The following HPSE2 variants were observed in gnomAD, a reference collection of about 807,000 sequenced individuals.
HPSE2 encodes heparanase 2 (inactive).
HPSE2 carries 38 observed loss-of-function variants against 60.5 expected under a neutral mutation model. The ratio of observed to expected loss-of-function variants is 0.63; its 90% confidence interval spans 0.48 to 0.82. HPSE2 has a LOEUF of 0.82. HPSE2 is among the 40% of genes least tolerant of loss of function. The pLI, the probability that HPSE2 is intolerant of heterozygous loss-of-function variation, is 0.00. For synonymous variants in HPSE2, 295 were observed against 293.2 expected (o/e 1.01, Z -0.06); for missense variants, 713 against 740.4 (o/e 0.96, Z 0.43).
chr10:98,819,187 A>G (rs567254543), intron 3 of HPSE2, among the ~76,000 whole-genome samples: 1 of 148,058 alleles, frequency 6.8e-6, no homozygotes, highest in South Asian at 2.2e-4. Context: ...CCTACAGGCG[A>G]TCTTTCAATC....
intron 3 of HPSE2, among the ~76,000 whole-genome samples, chr10:99,099,421 G>A (rs1843854979): frequency 6.6e-6 from 1 of 152,216 alleles, no homozygotes; most frequent in South Asian, 2.1e-4. Flanking sequence ...AGATCAAACT[G>A]CAAGGCAGCA....
At chr10:98,713,263 G>A (rs1437219356) in intron 5 of HPSE2, among the ~76,000 whole-genome samples, 10 of 152,010 alleles carry the variant, frequency 6.6e-5, no homozygotes, top group African/African-American at 1.4e-4. Flanking sequence ...TTTATTCTAA[G>A]AGAAATGAAA....
upstream of HPSE2, among the ~76,000 whole-genome samples, chr10:99,237,428 C>T (rs1849887508): frequency 6.6e-6 from 1 of 152,118 alleles, no homozygotes; most frequent in African/African-American, 2.4e-5. Context: ...CCAGGATTAA[C>T]AAATCTGAAA....
At chr10:99,031,844 A>G (rs538717250) in intron 3 of HPSE2, among the ~76,000 whole-genome samples, 1 of 152,356 alleles carries the variant, frequency 6.6e-6, no homozygotes, top group African/African-American at 2.4e-5. Context: ...GTGAAATATT[A>G]GCAATCAAAA....
At chr10:98,493,607 G>T (rs1448263660) in intron 9 of HPSE2, among the ~76,000 whole-genome samples, 1 of 151,984 alleles carries the variant, frequency 6.6e-6, no homozygotes, top group African/African-American at 2.4e-5. Context: ...TAATAAAGCT[G>T]CCCCTACTCT....
intron 9 of HPSE2, among the ~76,000 whole-genome samples, chr10:98,533,248 G>A (rs577455668): frequency 1.3e-5 from 2 of 152,320 alleles, no homozygotes; most frequent in South Asian, 4.1e-4. Flanking sequence ...TGTAATGTCA[G>A]GAAGCATCAC....
intron 3 of HPSE2, among the ~76,000 whole-genome samples, chr10:98,776,276 T>TAAAA (rs1950337822): frequency 5.2e-5 from 2 of 38,144 alleles, no homozygotes; most frequent in East Asian, 9.0e-4. Flanking sequence ...CTACTAAAAA[T>TAAAA]ACAAAAAAAA....
chr10:98,776,170 C>T (rs1267553688), intron 3 of HPSE2, among the ~76,000 whole-genome samples: 4 of 151,898 alleles, frequency 2.6e-5, no homozygotes, highest in Non-Finnish European at 5.9e-5. Context: ...CAGTGGCCCA[C>T]GCCTGTAATC....
intron 2 of HPSE2, among the ~76,000 whole-genome samples, chr10:99,225,373 C>T (rs1261240869): frequency 6.6e-6 from 1 of 151,998 alleles, no homozygotes; most frequent in Non-Finnish European, 1.5e-5. Context: ...CCCCATTAAT[C>T]TTCCCAGCTT....
chr10:99,128,763 C>A (rs188783087), intron 3 of HPSE2, among the ~76,000 whole-genome samples: 1 of 152,000 alleles, frequency 6.6e-6, no homozygotes, highest in South Asian at 2.1e-4. Context: ...GGTTGATAGG[C>A]GCAGCAAACC....
intron 3 of HPSE2, among the ~76,000 whole-genome samples, chr10:99,060,658 CAAAAAAAAA>C (rs35034456): frequency 8.4e-5 from 4 of 47,806 alleles, no homozygotes; most frequent in African/African-American, 3.8e-4. Flanking sequence ...AACTCTGTCT[CAAAAAAAAA>C]AAAAAAAAAA....
At chr10:99,131,080 A>C (rs1378803409) in intron 3 of HPSE2, among the ~76,000 whole-genome samples, 1 of 152,222 alleles carries the variant, frequency 6.6e-6, no homozygotes, top group East Asian at 1.9e-4. Context: ...AGAATTAAAA[A>C]CAAAAATCAT....
At chr10:99,073,340 C>G (rs1213985524) in intron 3 of HPSE2, among the ~76,000 whole-genome samples, 2 of 152,114 alleles carry the variant, frequency 1.3e-5, no homozygotes, top group East Asian at 3.9e-4. Flanking sequence ...ATGGATGGAG[C>G]TGGAAGCCAT....
chr10:98,989,296 C>T (rs958497038), intron 3 of HPSE2, among the ~76,000 whole-genome samples: 12 of 152,266 alleles, frequency 7.9e-5, no homozygotes, highest in East Asian at 1.9e-4. Context: ...CACATATACA[C>T]CATCGAATAC....
intron 9 of HPSE2, among the ~76,000 whole-genome samples, chr10:98,586,199 T>C (rs573341665): frequency 4.1e-4 from 63 of 152,324 alleles, no homozygotes; most frequent in Non-Finnish European, 8.2e-4. Flanking sequence ...CCTCAGTATC[T>C]ACCATGCATA....
chr10:98,744,813 T>A (rs1368579326), intron 3 of HPSE2, among the ~76,000 whole-genome samples: 1 of 152,198 alleles, frequency 6.6e-6, no homozygotes, highest in Non-Finnish European at 1.5e-5. Context: ...TGGTGAGTCT[T>A]GGAAAATAGC....
At chr10:98,597,056 G>A (rs978657963) in intron 9 of HPSE2, among the ~76,000 whole-genome samples, 3 of 151,984 alleles carry the variant, frequency 2.0e-5, no homozygotes, top group Non-Finnish European at 4.4e-5. Flanking sequence ...CAAAAGGGGG[G>A]AAAGTCCCTT....
intron 6 of HPSE2, among the ~76,000 whole-genome samples, chr10:98,661,176 G>C (rs753143659): frequency 6.6e-6 from 1 of 152,150 alleles, no homozygotes; most frequent in African/African-American, 2.4e-5. Context: ...GAAGGTAATG[G>C]GAAATAATTA....
At chr10:98,524,606 T>C (rs914661608) in intron 9 of HPSE2, among the ~76,000 whole-genome samples, 1 of 152,214 alleles carries the variant, frequency 6.6e-6, no homozygotes, top group Admixed American at 6.5e-5. Flanking sequence ...ATAAGGCAAC[T>C]AGTTGTTCTT....
Sources: gnomAD v4.1 joint callset for allele counts (sites outside exome capture counted in the v4.1 genomes callset) on GRCh38, gnomAD v4.1.1 for gene constraint, MANE v1.5 for transcripts, NCBI Gene and HGNC (gene_info 2026-07-23, HGNC 2026-07-21) for gene names.